CWH43: variants seen among roughly 807,000 people sequenced by gnomAD.
CWH43 encodes the protein cell wall biogenesis 43 C-terminal homolog.
A neutral mutation model predicts 85.7 loss-of-function variants in CWH43; 91 were observed. The ratio of observed to expected loss-of-function variants is 1.06; its 90% CI spans 0.90 to 1.26. The LOEUF is 1.26. Among genes scored for constraint, CWH43 ranks in the 50% most tolerant of loss-of-function variants. The pLI is 0.00. For missense variants in CWH43, 869 were observed against 839.2 expected (o/e 1.04, Z -0.44); for synonymous variants, 323 against 293.6 (o/e 1.10, Z -1.02).
At position 49,040,176 on chromosome 4, in the gene CWH43, T is replaced by C. The variant is rs1336248604; in HGVS notation, c.1803+1996T>C. ...GACATTTGGGTTGGTTCCAAGTCTT[T>C]GCTATTGTGAATAGTGCCGCAATAA... is the stretch of plus-strand genomic sequence containing the variant. On this transcript the variant is annotated intron_variant, in intron 13 of 15. Coordinates refer to ENST00000226432, the MANE Select transcript of CWH43 (RefSeq NM_025087.3). Among the ~76,000 whole-genome samples the C allele has an allele frequency of 5.9e-5, 9 of 152,338 alleles. No homozygotes were observed. In the East Asian group the frequency reaches 1.7e-3, roughly 29 times the overall value.
intron 8 of CWH43, among the ~76,000 whole-genome samples, chr4:49,009,414 T>C (rs1391454593): frequency 6.6e-6 from 1 of 152,210 alleles, no homozygotes; most frequent in Non-Finnish European, 1.5e-5. Flanking sequence ...AGTCATGTCA[T>C]CTGCAAACAG....
chr4:49,040,967 G>A (rs1381850445), intron 13 of CWH43, among the ~76,000 whole-genome samples: 1 of 152,182 alleles, frequency 6.6e-6, no homozygotes, highest in Non-Finnish European at 1.5e-5. Flanking sequence ...CATATGGTTA[G>A]CCAGTTTTCC....
intron 8 of CWH43, among the ~76,000 whole-genome samples, chr4:49,014,795 C>G (rs1783487489): frequency 6.6e-6 from 1 of 151,260 alleles, no homozygotes; most frequent in Admixed American, 6.6e-5. Context: ...CCTCATGCCC[C>G]CACATACATA....
At position 48,991,703 on chromosome 4, in the gene CWH43, T is replaced by C. The variant is rs946306336; in HGVS notation, c.356+129T>C. 8 of 1,143,872 alleles carry C rather than the reference T, an allele frequency of 7.0e-6. No homozygotes were observed. In the East Asian group the frequency reaches 9.7e-5, roughly 14 times the overall value. The allele number at this position is 1,143,872 out of a possible 1,614,324, so 70.9% of individuals were successfully genotyped here. A position where few individuals can be genotyped will look rare whatever the true frequency, so the allele number is the denominator to read the frequency against. On this transcript the variant is annotated intron_variant, in intron 3 of 15. Transcript: ENST00000226432. ...GGCTTTGTCAAAGTCTCCTTTTTTT[T>C]CCTTTTCCCAAAACAAGGACATGAA...
intron 9 of CWH43, among the ~76,000 whole-genome samples, chr4:49,020,428 T>TAA (rs1560498959): frequency 2.9e-5 from 2 of 69,484 alleles, no homozygotes; most frequent in Admixed American, 3.6e-4. Flanking sequence ...TATATATATA[T>TAA]AAATCATATT....
intron 1 of CWH43, 89 bp downstream of exon 1, chr4:48,986,561 T>C: frequency 9.1e-6 from 14 of 1,538,166 alleles, no homozygotes; most frequent in Non-Finnish European, 1.2e-5. Context: ...TTGGCTGAGT[T>C]CAGGTAGGAG....
At chr4:49,011,657 G>C (rs1418551961) in intron 8 of CWH43, among the ~76,000 whole-genome samples, 1 of 152,166 alleles carries the variant, frequency 6.6e-6, no homozygotes, top group Admixed American at 6.5e-5. Flanking sequence ...TCCTTCAGGA[G>C]CTCTTTTAGG....
At position 49,028,652 on chromosome 4, in the gene CWH43, T is replaced by A; in HGVS notation, c.1290T>A (p.Ala430=). Reference sequence around the variant, plus strand: ...AGGCACCAACCAAAGAGGTCTCTGCTGCCATCTGGCCTTTCAGGTTTGGAT... The same window carrying A: ...AGGCACCAACCAAAGAGGTCTCTGCAGCCATCTGGCCTTTCAGGTTTGGAT... ...GKVAPTKEVS[A]AIWPFRFGYD... is the part of the protein sequence containing the mutation. The change falls in exon 10 of 16, where the codon GCT becomes GCA. Residue 430 remains alanine (A), a synonymous_variant. Coordinates refer to ENST00000226432, the MANE Select transcript of CWH43 (RefSeq NM_025087.3). 1 of 1,613,784 alleles carries A rather than the reference T, an allele frequency of 6.2e-7. No homozygotes were observed. Among genetic ancestry groups the A allele is most frequent in the Non-Finnish European group, 8.5e-7 (1 of 1,179,746 alleles).
chr4:49,030,987 G>A (rs372216646), intron 11 of CWH43, 27 bp downstream of exon 11: 120 of 1,545,888 alleles, frequency 7.8e-5, no homozygotes, highest in Non-Finnish European at 9.4e-5. Flanking sequence ...AGTTAATCCC[G>A]AAGATAGTCA....
intron 15 of CWH43, among the ~76,000 whole-genome samples, chr4:49,055,335 T>A (rs2109846754): frequency 6.6e-6 from 1 of 152,328 alleles, no homozygotes; most frequent in African/African-American, 2.4e-5. Context: ...TTAACTATCC[T>A]TGCATCCCAA....
At chr4:49,022,142 T>A (rs1362394557) in intron 9 of CWH43, among the ~76,000 whole-genome samples, 1 of 152,184 alleles carries the variant, frequency 6.6e-6, no homozygotes, top group African/African-American at 2.4e-5. Context: ...CTCAGGGGAA[T>A]GCCTTCAACT....
rs993409126 is a variant in CWH43, at chr4:48,991,673, CATA to C, written c.356+100_356+102del. 2.2e-6 allele frequency: 3 copies of C among 1,366,928 alleles called. No homozygotes were observed. The Admixed American group carries it at 6.9e-5, about 32-fold the overall frequency. 84.7% of individuals were successfully genotyped at this position (1,366,928 alleles called of 1,614,324 possible). On this transcript the variant is annotated intron_variant, in intron 3 of 15. Transcript: ENST00000226432. ...GTTCCAGGTTATAGTTTTTACCTTCCATATGGCTTTGTCAAAGTCTCCTTTTTT... is the reference window on the plus strand; with the variant it reads ...GTTCCAGGTTATAGTTTTTACCTTCCTGGCTTTGTCAAAGTCTCCTTTTTT...
intron 6 of CWH43, among the ~76,000 whole-genome samples, chr4:49,000,249 G>GTT (rs557719521): frequency 9.2e-5 from 14 of 152,138 alleles, no homozygotes; most frequent in Admixed American, 9.2e-4. Context: ...TCTGTACACC[G>GTT]TAAGTGCCGT....
At chr4:49,032,886 C>G (rs960133671) in intron 12 of CWH43, among the ~76,000 whole-genome samples, 171 bp downstream of exon 12, 26 of 152,194 alleles carry the variant, frequency 1.7e-4, no homozygotes, top group Non-Finnish European at 3.5e-4. Flanking sequence ...AAGATGCAGG[C>G]AGCCGTTAGT....
intron 13 of CWH43, among the ~76,000 whole-genome samples, chr4:49,039,332 T>TATATAC (rs1228183888): frequency 2.1e-5 from 1 of 48,484 alleles, no homozygotes; most frequent in Non-Finnish European, 4.4e-5. Context: ...TATATATATA[T>TATATAC]ACTGATGTAT....
At chr4:49,037,539 C>A (rs1252842928) in intron 12 of CWH43, among the ~76,000 whole-genome samples, 1 of 149,596 alleles carries the variant, frequency 6.7e-6, no homozygotes, top group African/African-American at 2.5e-5. Flanking sequence ...CATTGCACTC[C>A]AGTCCGGGTG....
intron 7 of CWH43, chr4:49,006,993 A>G (rs1432892246): frequency 2.3e-6 from 1 of 430,426 alleles, no homozygotes; most frequent in Admixed American, 4.4e-5. Flanking sequence ...GGGTCCTGTC[A>G]TTTAAAGCAC....
At chr4:49,037,609 A>G (rs1179100239) in intron 12 of CWH43, among the ~76,000 whole-genome samples, 1 of 151,194 alleles carries the variant, frequency 6.6e-6, no homozygotes, top group Non-Finnish European at 1.5e-5. Context: ...AGCTTAGGTT[A>G]CATAAGCCTG....
At chr4:49,037,891 G>A in intron 12 of CWH43, 145 bp from the exon 13 acceptor site, 1 of 599,832 alleles carries the variant, frequency 1.7e-6, no homozygotes, top group Non-Finnish European at 2.9e-6. Flanking sequence ...TTGTTCATTT[G>A]TATAATGTTA....
Sources: gnomAD v4.1 joint callset for allele counts (sites outside exome capture counted in the v4.1 genomes callset) on GRCh38, gnomAD v4.1.1 for gene constraint, MANE v1.5 for transcripts, NCBI Gene and HGNC (gene_info 2026-07-23, HGNC 2026-07-21) for gene names.